Variants in RFTN1 observed in about 807,000 individuals in gnomAD.
The protein encoded by RFTN1 is raftlin.
In RFTN1, 26 loss-of-function variants were observed where a neutral mutation model predicts 46.5. The observed-to-expected ratio is 0.56, with a 90% CI of 0.41 to 0.78. The LOEUF (loss-of-function observed/expected upper bound fraction) is 0.78, where lower values mean the gene tolerates loss of function less well. Ranked by LOEUF, RFTN1 falls within the 30% of genes least tolerant of loss-of-function variation. The pLI is 0.00. For synonymous variants in RFTN1, 261 were observed against 284.2 expected (o/e 0.92, Z 0.82); for missense variants, 693 against 718.7 (o/e 0.96, Z 0.41).
At position 16,320,642 on chromosome 3, in the gene RFTN1, T is replaced by G. The variant is rs1335388787; in HGVS notation, c.1332+2734A>C. 6.6e-6 allele frequency among the ~76,000 whole-genome samples: 1 copy of G among 152,088 alleles called. No individual in the cohort carries two copies. Among genetic ancestry groups the G allele is most frequent in the Admixed American group, 6.5e-5 (1 of 15,274 alleles). ...TCCAGGGTAGTACAAAGGAGTCTGG[T>G]TTGGTATAAAAGGAGACAGCACTGT... On this transcript the variant is annotated intron_variant, in intron 9 of 9. Transcript: ENST00000334133. This position sits in a 1 kb window ranked among gnomAD's most constrained non-coding sequence, Gnocchi z 4.5.
intron 6 of RFTN1, among the ~76,000 whole-genome samples, chr3:16,363,976 C>T (rs1182412387): frequency 6.6e-6 from 1 of 152,232 alleles, no homozygotes. Context: ...GGTAACGGTG[C>T]CATGTTGCTT....
chr3:16,354,142 C>T (rs1026826207), intron 7 of RFTN1, among the ~76,000 whole-genome samples: 2 of 152,154 alleles, frequency 1.3e-5, no homozygotes, highest in Non-Finnish European at 2.9e-5. Context: ...TGAATATTCC[C>T]AGACCAAGAA....
rs712876 is a variant in RFTN1 at position 16,387,039 on chromosome 3, G to C, written c.442-8937C>G. Among the ~76,000 whole-genome samples the C allele has an allele frequency of 2.6e-5, 4 of 152,160 alleles. No homozygotes were observed. The highest frequency in any genetic ancestry group is 7.2e-5 in the African/African-American group (3 of 41,494). The stretch of plus-strand genomic sequence containing the variant: ...CTGGGACATATGGTCACCTGGTTCA[G>C]TGTGACCAGCAGTGAAGACCCAGAA... On this transcript the variant is annotated intron_variant, in intron 4 of 9. Coordinates refer to ENST00000334133, the MANE Select transcript of RFTN1 (RefSeq NM_015150.2). This position sits in a 1 kb window ranked among gnomAD's most constrained non-coding sequence, Gnocchi z 5.2.
In RFTN1 at chr3:16,480,014, G is replaced by GT. The variant is rs1220469207; in HGVS notation, c.145+13710dup. 1.3e-5 allele frequency among the ~76,000 whole-genome samples: 2 copies of GT among 152,218 alleles called. No individual in the cohort carries two copies. The highest frequency in any genetic ancestry group is 2.9e-5 in the Non-Finnish European group (2 of 68,034). ...TAAAAACTCCAGAATTTGGTGGGAT[G>GT]TTTCAGACGCTGTTTCCTACATTGA... is the stretch of plus-strand genomic sequence containing the variant. On this transcript the variant is annotated intron_variant, in intron 2 of 9. Coordinates refer to ENST00000334133, the MANE Select transcript of RFTN1 (RefSeq NM_015150.2). This position sits in a 1 kb window ranked among gnomAD's most constrained non-coding sequence, Gnocchi z 4.3.
rs1325662107 is a variant in RFTN1, at chr3:16,473,600, T to A, written c.145+20125A>T. On this transcript the variant is annotated intron_variant, in intron 2 of 9. Coordinates refer to ENST00000334133, the MANE Select transcript of RFTN1 (RefSeq NM_015150.2). The surrounding 1 kb of genome is among the most constrained non-coding windows in gnomAD (Gnocchi z 5.3). Reference sequence around the variant, plus strand: ...GTATTTTTTTTTAGTAGAAACGGAGTTTCACCGTGTTGCCCAGGCTGGTCT... The same window carrying A: ...GTATTTTTTTTTAGTAGAAACGGAGATTCACCGTGTTGCCCAGGCTGGTCT... Among the ~76,000 whole-genome samples, 1 of 151,688 alleles carries A rather than the reference T, an allele frequency of 6.6e-6. No individual in the cohort carries two copies. Among genetic ancestry groups the A allele is most frequent in the Non-Finnish European group, 1.5e-5 (1 of 67,936 alleles).
In RFTN1 at chr3:16,457,928, G is replaced by C. The variant is rs1386760885; in HGVS notation, c.146-23891C>G. Among the ~76,000 whole-genome samples, 3 of 152,128 alleles carry C rather than the reference G, an allele frequency of 2.0e-5. No homozygotes were observed. Among genetic ancestry groups the C allele is most frequent in the African/African-American group, 7.2e-5 (3 of 41,408 alleles). On this transcript the variant is annotated intron_variant, in intron 2 of 9. Coordinates refer to ENST00000334133, the MANE Select transcript of RFTN1 (RefSeq NM_015150.2). This position sits in a 1 kb window ranked among gnomAD's most constrained non-coding sequence, Gnocchi z 4.2. ...ATTATAAAAGGGTTTCACAGACAGA[G>C]TTTGGTCCTTTTTGCCTTCTGCCTT...
rs1216451244 is a variant in RFTN1 at position 16,504,861 on chromosome 3, C to T, written c.-9+8581G>A. On this transcript the variant is annotated intron_variant, in intron 1 of 9. Coordinates refer to ENST00000334133, the MANE Select transcript of RFTN1 (RefSeq NM_015150.2). This position sits in a 1 kb window ranked among gnomAD's most constrained non-coding sequence, Gnocchi z 4.4. ...AGCACTTCTGGAAGAATATGCCCCA[C>T]AGAATGCAGCACCTTGCCCAACAAG... Among the ~76,000 whole-genome samples the T allele has an allele frequency of 1.3e-5, 2 of 152,168 alleles. No homozygotes were observed. The highest frequency in any genetic ancestry group is 2.9e-5 in the Non-Finnish European group (2 of 68,040).
Position 16,322,221 on chromosome 3 carries a change from G to A in RFTN1, c.1332+1155C>T, listed in dbSNP as rs542718134. ...CAGTTCCCTTCTGGTCCATTGTGCCGTCACCTGTCACATTACACCTTCAGA... is the reference window on the plus strand; with the variant it reads ...CAGTTCCCTTCTGGTCCATTGTGCCATCACCTGTCACATTACACCTTCAGA... On this transcript the variant is annotated intron_variant, in intron 9 of 9. Coordinates refer to ENST00000334133, the MANE Select transcript of RFTN1 (RefSeq NM_015150.2). The surrounding 1 kb of genome is among the most constrained non-coding windows in gnomAD (Gnocchi z 6.2). Among the ~76,000 whole-genome samples, 5 of 152,244 alleles carry A rather than the reference G, an allele frequency of 3.3e-5. No individual in the cohort carries two copies. The highest frequency in any genetic ancestry group is 3.9e-4 in the East Asian group (2 of 5,174).
At chr3:16,493,670 A>G (rs1575370080) in intron 2 of RFTN1, 55 bp downstream of exon 2, 2 of 1,143,002 alleles carry the variant, frequency 1.7e-6, no homozygotes, top group Non-Finnish European at 2.3e-6. Context: ...CATCCCCTGC[A>G]GGCCCCTGCT....
chr3:16,412,959 C>T (rs1297907551), intron 3 of RFTN1, among the ~76,000 whole-genome samples: 1 of 152,202 alleles, frequency 6.6e-6, no homozygotes, highest in Non-Finnish European at 1.5e-5. Context: ...GATGAGACTG[C>T]AGCCTGAGCC....
chr3:16,378,394 A>AT (rs11291864), intron 4 of RFTN1, among the ~76,000 whole-genome samples: 1 of 152,134 alleles, frequency 6.6e-6, no homozygotes, highest in Non-Finnish European at 1.5e-5. Flanking sequence ...CCTTATTAAC[A>AT]TTTTTTAAAG....
At chr3:16,444,517 G>T (rs1255883272) in intron 2 of RFTN1, among the ~76,000 whole-genome samples, 2 of 152,204 alleles carry the variant, frequency 1.3e-5, no homozygotes, top group Non-Finnish European at 2.9e-5. Flanking sequence ...GTATGTGTGA[G>T]AGTACTCCTG....
In RFTN1 at chr3:16,338,024, T is replaced by C. The variant is rs904549630; in HGVS notation, c.1147-11148A>G. Reference sequence around the variant, plus strand: ...GGTAGATCGTCCTAGCTCGAGATGTTGCCCTGGCTTCTCCTAAAGCACCAT... The same window carrying C: ...GGTAGATCGTCCTAGCTCGAGATGTCGCCCTGGCTTCTCCTAAAGCACCAT... On this transcript the variant is annotated intron_variant, in intron 7 of 9. Coordinates refer to ENST00000334133, the MANE Select transcript of RFTN1 (RefSeq NM_015150.2). The surrounding 1 kb of genome is among the most constrained non-coding windows in gnomAD (Gnocchi z 5.3). Among the ~76,000 whole-genome samples, 3 of 152,088 alleles carry C rather than the reference T, an allele frequency of 2.0e-5. No homozygotes were observed. The highest frequency in any genetic ancestry group is 7.3e-5 in the African/African-American group (3 of 41,378).
intron 2 of RFTN1, among the ~76,000 whole-genome samples, chr3:16,486,079 A>G (rs1023150678): frequency 6.6e-6 from 1 of 152,166 alleles, no homozygotes; most frequent in African/African-American, 2.4e-5. Flanking sequence ...CCAGGTGCCC[A>G]GCACACCCAC....
chr3:16,397,069 GAA>G (rs11290510), intron 4 of RFTN1, among the ~76,000 whole-genome samples: 1,678 of 117,084 alleles, frequency 0.014, 16 homozygotes, highest in African/African-American at 0.035. Context: ...GTCTCAAAAT[GAA>G]AAAAAAAAAA....
chr3:16,357,153 CAAAA>C (rs936303579), intron 7 of RFTN1, among the ~76,000 whole-genome samples: 2,227 of 114,980 alleles, frequency 0.019, 58 homozygotes, highest in African/African-American at 0.058. Flanking sequence ...AACAAACAAA[CAAAA>C]AAAACCAAGA....
chr3:16,450,165 C>T lies in RFTN1; in HGVS notation c.146-16128G>A, dbSNP rs2124903550. 6.6e-6 allele frequency among the ~76,000 whole-genome samples: 1 copy of T among 152,346 alleles called. No homozygotes were observed. Among genetic ancestry groups the T allele is most frequent in the Admixed American group, 6.5e-5 (1 of 15,310 alleles). ...TGAAAGAGTCATAAAATGTCAGCTT[C>T]TCCACTTTCCTTCCTAACCCACAAT... is the stretch of plus-strand genomic sequence containing the variant. On this transcript the variant is annotated intron_variant, in intron 2 of 9. Coordinates refer to ENST00000334133, the MANE Select transcript of RFTN1 (RefSeq NM_015150.2). The surrounding 1 kb of genome is among the most constrained non-coding windows in gnomAD (Gnocchi z 4.6).
intron 6 of RFTN1, among the ~76,000 whole-genome samples, chr3:16,359,483 C>G (rs2072690912): frequency 6.6e-6 from 1 of 152,130 alleles, no homozygotes; most frequent in Non-Finnish European, 1.5e-5. Context: ...TCTAATAGGA[C>G]TGGTGTCCTT....
At chr3:16,394,084 GGGCT>G (rs1251715571) in intron 4 of RFTN1, among the ~76,000 whole-genome samples, 1 of 152,154 alleles carries the variant, frequency 6.6e-6, no homozygotes, top group Non-Finnish European at 1.5e-5. Context: ...AAGCAATGCA[GGGCT>G]GGGCATCATG....
Sources: gnomAD v4.1 joint callset for allele counts (sites outside exome capture counted in the v4.1 genomes callset) on GRCh38, gnomAD v4.1.1 for gene constraint, Gnocchi (gnomAD v3.1) non-coding constraint, MANE v1.5 for transcripts, NCBI Gene and HGNC (gene_info 2026-07-23, HGNC 2026-07-21) for gene names.